Variants in SLC8A2 observed in about 807,000 individuals in gnomAD.
The protein encoded by SLC8A2 is solute carrier family 8 member A2.
In SLC8A2, 14 loss-of-function variants were observed where a neutral mutation model predicts 70.2. The ratio of observed to expected loss-of-function variants is 0.20; its 90% CI spans 0.13 to 0.31. The LOEUF (loss-of-function observed/expected upper bound fraction) is 0.31. Among genes scored for constraint, SLC8A2 ranks in the 10% least tolerant of loss-of-function variants. The pLI is 1.00. For synonymous variants in SLC8A2, 575 were observed against 594.3 expected (o/e 0.97, Z 0.47); for missense variants, 779 against 1,320.1 (o/e 0.59, Z 6.35).
chr19:47,466,989 G>A lies in SLC8A2; in HGVS notation c.-16-570C>T, dbSNP rs559146592. On this transcript the variant is annotated intron_variant, in intron 1 of 9. Coordinates refer to ENST00000236877, the MANE Select transcript of SLC8A2 (RefSeq NM_015063.3). This position sits in a 1 kb window ranked among gnomAD's most constrained non-coding sequence, Gnocchi z 6.9. ...GGAGAATCACTTGAACCTGGGAGGC[G>A]GAGGTTGCAGTGAGCTGAGATGGCG... Among the ~76,000 whole-genome samples the A allele has an allele frequency of 1.8e-4, 27 of 152,198 alleles. No homozygotes were observed. Among genetic ancestry groups the A allele is most frequent in the African/African-American group, 5.5e-4 (23 of 41,510 alleles).
Position 47,457,354 on chromosome 19 carries a change from G to C in SLC8A2, c.916C>G (p.Arg306Gly), listed in dbSNP as rs1006556240. 2 of 1,542,450 alleles carry C rather than the reference G, an allele frequency of 1.3e-6. No homozygotes were observed. Among genetic ancestry groups the C allele is most frequent in the East Asian group, 2.5e-5 (1 of 40,174 alleles). Residue 306 changes from arginine to glycine, a missense_variant, in exon 3 of 10, where the codon CGC (arginine) becomes GGC (glycine). By Grantham distance (125) the Arg-to-Gly change is moderately radical. This residue lies in a region of SLC8A2 where 186 missense variants were observed against 246.6 expected (regional missense o/e 0.75). Transcript: ENST00000236877. ...GGLGPGPAEA[R>G]ELDASRREVI... is the part of the protein sequence containing the mutation. Reference sequence around the variant, plus strand: ...TCGCGGCGGCTGGCGTCCAGCTCGCGCGCCTCGGCGGGGCCCGGGCCCAGG... The same window carrying C: ...TCGCGGCGGCTGGCGTCCAGCTCGCCCGCCTCGGCGGGGCCCGGGCCCAGG...
intron 8 of SLC8A2, 105 bp downstream of exon 8, chr19:47,437,357 C>G: frequency 1.2e-6 from 1 of 863,620 alleles, no homozygotes; most frequent in South Asian, 1.5e-5. Context: ...GCCACCGCGC[C>G]CGGCCTGTTT....
chr19:47,460,719 GA>G (rs969651434), intron 2 of SLC8A2, among the ~76,000 whole-genome samples: 2 of 150,646 alleles, frequency 1.3e-5, no homozygotes, highest in Non-Finnish European at 1.5e-5. Flanking sequence ...GAAAGAAAAA[GA>G]AAAAAAAGAA....
In SLC8A2 at chr19:47,430,503, G is replaced by A. The variant is rs1010435211; in HGVS notation, c.2390-38C>T. 2.6e-6 allele frequency: 4 copies of A among 1,539,020 alleles called. No individual in the cohort carries two copies. The highest frequency in any genetic ancestry group is 2.6e-6 in the Non-Finnish European group (3 of 1,146,868). The stretch of plus-strand genomic sequence containing the variant: ...GACATACAGGTCGGAGGGGCTTTGC[G>A]CCGCCACCCACAGGGGCGGGCATCC... On this transcript the variant is annotated intron_variant, in intron 9 of 9. Transcript: ENST00000236877. The surrounding 1 kb of genome is among the most constrained non-coding windows in gnomAD (Gnocchi z 5.9).
intron 4 of SLC8A2, among the ~76,000 whole-genome samples, chr19:47,446,401 C>T (rs529325647): frequency 7.2e-5 from 11 of 152,108 alleles, no homozygotes; most frequent in African/African-American, 1.4e-4. Context: ...ATTTAGTGTA[C>T]GTGTCCGTGA....
rs765580480 is a variant in SLC8A2, at chr19:47,432,351, C to T, written c.2205G>A (p.Val735=). 3.7e-6 allele frequency: 6 copies of T among 1,613,998 alleles called. No individual in the cohort carries two copies. Among genetic ancestry groups the T allele is most frequent in the Admixed American group, 1.7e-5 (1 of 59,994 alleles). Residue 735 remains valine (V), a synonymous_variant, in exon 9 of 10, where the codon GTG becomes GTA. Transcript: ENST00000236877. This position sits in a 1 kb window ranked among gnomAD's most constrained non-coding sequence, Gnocchi z 6.2. ...VMHFLTVFWK[V]LFACVPPTEY... ...CGGTGGGGGGCACACAGGCGAAGAG[C>T]ACCTTCCAGAACACCGTCAGGAAGT...
intron 8 of SLC8A2, among the ~76,000 whole-genome samples, chr19:47,435,107 G>A (rs1272232901): frequency 6.6e-6 from 1 of 151,920 alleles, no homozygotes; most frequent in African/African-American, 2.4e-5. Flanking sequence ...TACTCAGGAG[G>A]CTGAGTCAGG....
In SLC8A2 at chr19:47,466,296, G is replaced by A. The variant is rs749254915; in HGVS notation, c.108C>T (p.Ser36=). The change falls in exon 2 of 10, where the codon AGC becomes AGT. Residue 36 remains serine (S), a synonymous_variant. Transcript: ENST00000236877. The surrounding 1 kb of genome is among the most constrained non-coding windows in gnomAD (Gnocchi z 6.9). ...CCTGGCAGCCCCCTGTGCTGGTGTC[G>A]CTGTCATTGGCCGGGGGAGGCGGCA... ...PSLPPPPAND[S]DTSTGGCQGS... 46 of 1,515,620 alleles carry A rather than the reference G, an allele frequency of 3.0e-5. No homozygotes were observed. Among genetic ancestry groups the A allele is most frequent in the Middle Eastern group, 3.5e-4 (2 of 5,770 alleles). 93.9% of individuals were successfully genotyped at this position (1,515,620 alleles called of 1,614,324 possible).
In SLC8A2 at chr19:47,457,614, G is replaced by T; in HGVS notation, c.676-20C>A. The stretch of plus-strand genomic sequence containing the variant: ...CCACACCTGCGGGCGGCGGGCGTCA[G>T]GGCGAGGCCGGGCGGGCCGCCTTCT... On this transcript the variant is annotated intron_variant, in intron 2 of 9. Coordinates refer to ENST00000236877, the MANE Select transcript of SLC8A2 (RefSeq NM_015063.3). The T allele has an allele frequency of 6.7e-7, 1 of 1,487,682 alleles. No homozygotes were observed. The highest frequency in any genetic ancestry group is 9.0e-7 in the Non-Finnish European group (1 of 1,116,998). 92.2% of individuals were successfully genotyped at this position (1,487,682 alleles called of 1,614,324 possible). A position where few individuals can be genotyped will look rare whatever the true frequency, so the allele number is the denominator to read the frequency against.
intron 4 of SLC8A2, among the ~76,000 whole-genome samples, chr19:47,441,753 C>T (rs771990950): frequency 6.6e-6 from 1 of 152,074 alleles, no homozygotes; most frequent in South Asian, 2.1e-4. Context: ...GCCAGGAGTT[C>T]AAGACCAGCC....
intron 3 of SLC8A2, among the ~76,000 whole-genome samples, chr19:47,453,101 C>T (rs758328485): frequency 6.6e-6 from 1 of 152,172 alleles, no homozygotes; most frequent in Non-Finnish European, 1.5e-5. Flanking sequence ...AGTGTGTCAA[C>T]ATCATAGGGG....
In SLC8A2 at chr19:47,452,445, AGTGTGTGTGTGTGTGTGTGT is replaced by A. The variant is rs1158828688; in HGVS notation, c.1341-4234_1341-4215del. On this transcript the variant is annotated intron_variant, in intron 3 of 9. Coordinates refer to ENST00000236877, the MANE Select transcript of SLC8A2 (RefSeq NM_015063.3). ...GAGAGAGAGAGAGAGAGAGAGAGAG[AGTGTGTGTGTGTGTGTGTGT>A]GTGTGTGTGTGTGTGTGTGTGTGTG... Among the ~76,000 whole-genome samples, 6 of 54,060 alleles carry A rather than the reference AGTGTGTGTGTGTGTGTGTGT, an allele frequency of 1.1e-4. No individual in the cohort carries two copies. The East Asian group carries it at 2.3e-3, about 21-fold the overall frequency. 35.5% of individuals were successfully genotyped at this position (54,060 alleles called of 152,430 possible). A position where few individuals can be genotyped will look rare whatever the true frequency, so the allele number is the denominator to read the frequency against.
chr19:47,465,560 C>T lies in SLC8A2; in HGVS notation c.675+169G>A, dbSNP rs769471187. On this transcript the variant is annotated intron_variant, in intron 2 of 9. Transcript: ENST00000236877. The surrounding 1 kb of genome is among the most constrained non-coding windows in gnomAD (Gnocchi z 5.5). ...CTCCAGCAGGACTTGCCCTGTTTGGCTCAATTCCCTTGTGTAGTCTGGTGA... is the reference window on the plus strand; with the variant it reads ...CTCCAGCAGGACTTGCCCTGTTTGGTTCAATTCCCTTGTGTAGTCTGGTGA... 2.6e-5 allele frequency among the ~76,000 whole-genome samples: 4 copies of T among 152,230 alleles called. No individual in the cohort carries two copies. Among genetic ancestry groups the T allele is most frequent in the Non-Finnish European group, 4.4e-5 (3 of 68,038 alleles).
At chr19:47,462,334 G>A (rs148317902) in intron 2 of SLC8A2, among the ~76,000 whole-genome samples, 4 of 150,812 alleles carry the variant, frequency 2.7e-5, no homozygotes, top group South Asian at 2.1e-4. Context: ...GTGCAATCTC[G>A]GCTTACCGCA....
intron 6 of SLC8A2, among the ~76,000 whole-genome samples, chr19:47,439,225 C>G (rs1398533584): frequency 6.6e-6 from 1 of 152,198 alleles, no homozygotes; most frequent in Non-Finnish European, 1.5e-5. Flanking sequence ...TAGGAACACT[C>G]TCGTAAAACT....
rs1030211594 is a variant in SLC8A2, at chr19:47,447,463, C to T, written c.1763+346G>A. On this transcript the variant is annotated intron_variant, in intron 4 of 9. Transcript: ENST00000236877. This position sits in a 1 kb window ranked among gnomAD's most constrained non-coding sequence, Gnocchi z 5.1. ...CCGGCCACCCTTCTAGGCCTCGCCT[C>T]TTCATTTCACAGTCACAACCCCACC... The T allele has an allele frequency of 1.1e-5, 4 of 353,982 alleles. No individual in the cohort carries two copies. The highest frequency in any genetic ancestry group is 4.8e-5 in the Admixed American group (1 of 20,756). 21.9% of individuals were successfully genotyped at this position (353,982 alleles called of 1,614,324 possible).
At chr19:47,444,181 A>G (rs897262238) in intron 4 of SLC8A2, among the ~76,000 whole-genome samples, 2 of 152,130 alleles carry the variant, frequency 1.3e-5, no homozygotes, top group African/African-American at 2.4e-5. Flanking sequence ...GGTGTGAGCC[A>G]CAGCACCTGG....
At chr19:47,449,884 T>C (rs1967214607) in intron 3 of SLC8A2, among the ~76,000 whole-genome samples, 1 of 152,106 alleles carries the variant, frequency 6.6e-6, no homozygotes, top group Non-Finnish European at 1.5e-5. Context: ...GAAGGAGCCC[T>C]GTGAAGCTTC....
chr19:47,445,345 A>G (rs1357897031), intron 4 of SLC8A2, among the ~76,000 whole-genome samples: 1 of 152,020 alleles, frequency 6.6e-6, no homozygotes, highest in African/African-American at 2.4e-5. Flanking sequence ...CTGACCTCAG[A>G]TGATCCACCC....
Sources: allele counts gnomAD v4.1 joint callset (sites outside exome capture counted in the v4.1 genomes callset), GRCh38; gene constraint gnomAD v4.1.1; regional missense constraint gnomAD v4.1.1; non-coding constraint Gnocchi (gnomAD v3.1); transcripts MANE v1.5; gene names NCBI Gene and HGNC (gene_info 2026-07-23, HGNC 2026-07-21).